Variants in WWOX observed in about 807,000 individuals in gnomAD.
WWOX encodes the protein WW domain containing oxidoreductase, also known as WW domain-containing oxidoreductase.
WWOX carries 69 observed loss-of-function variants against 46.2 expected under a neutral mutation model. The observed-to-expected ratio is 1.49, with a 90% CI of 1.23 to 1.82. The LOEUF (loss-of-function observed/expected upper bound fraction) is 1.82, where lower values mean the gene tolerates loss of function less well. Ranked by LOEUF, WWOX falls within the 40% of genes most tolerant of loss-of-function variation. The pLI, the probability that WWOX is intolerant of heterozygous loss-of-function variation, is 0.00. For synonymous variants in WWOX, 359 were observed against 202.6 expected (o/e 1.77, Z -6.56); for missense variants, 919 against 542.6 (o/e 1.69, Z -6.89).
At chr16:79,002,632 C>G (rs1260108208) in intron 8 of WWOX, among the ~76,000 whole-genome samples, 1 of 152,184 alleles carries the variant, frequency 6.6e-6, no homozygotes, top group African/African-American at 2.4e-5. Flanking sequence ...GCATGAGGCC[C>G]TTTATTAAGT....
At chr16:78,599,470 G>A (rs1484339472) in intron 8 of WWOX, among the ~76,000 whole-genome samples, 1 of 152,212 alleles carries the variant, frequency 6.6e-6, no homozygotes, top group African/African-American at 2.4e-5. Flanking sequence ...CAATCAGGCA[G>A]CCCCTCTGAC....
At chr16:78,852,166 C>G (rs11640465) in intron 8 of WWOX, among the ~76,000 whole-genome samples, 35,933 of 152,062 alleles carry the variant, frequency 0.24, 4,793 homozygotes, top group South Asian at 0.36. Context: ...ATGGCACTGT[C>G]TAGAGAAAGG....
At chr16:78,460,826 T>G (rs1477767874) in intron 8 of WWOX, among the ~76,000 whole-genome samples, 1 of 152,156 alleles carries the variant, frequency 6.6e-6, no homozygotes, top group African/African-American at 2.4e-5. Flanking sequence ...TTCAGTTGAG[T>G]TTTTAGTTTG....
At chr16:78,395,669 G>C (rs1214800718) in intron 6 of WWOX, among the ~76,000 whole-genome samples, 2 of 152,178 alleles carry the variant, frequency 1.3e-5, no homozygotes, top group Non-Finnish European at 1.5e-5. Context: ...CAAGAGCCAA[G>C]AGAAATTATT....
chr16:79,063,739 A>G (rs2048394476), intron 8 of WWOX, among the ~76,000 whole-genome samples: 1 of 152,254 alleles, frequency 6.6e-6, no homozygotes, highest in Admixed American at 6.5e-5. Context: ...GAACCAGAAG[A>G]AAACAGAATA....
intron 5 of WWOX, among the ~76,000 whole-genome samples, chr16:78,306,949 T>C (rs1006273571): frequency 3.3e-4 from 51 of 152,352 alleles, no homozygotes; most frequent in Non-Finnish European, 5.1e-4. Context: ...GTTTCCAGTA[T>C]TATCTGTTTC....
At chr16:78,440,906 C>T (rs2083430488) in intron 8 of WWOX, among the ~76,000 whole-genome samples, 2 of 152,140 alleles carry the variant, frequency 1.3e-5, no homozygotes, top group South Asian at 4.1e-4. Context: ...CAGGCATGAG[C>T]CACTGTGCCT....
chr16:78,736,016 C>T (rs1209561178), intron 8 of WWOX, among the ~76,000 whole-genome samples: 1 of 152,160 alleles, frequency 6.6e-6, no homozygotes, highest in East Asian at 1.9e-4. Context: ...TGTCTGAACC[C>T]TGTGTTTTGT....
At chr16:78,546,578 C>G (rs749180221) in intron 8 of WWOX, among the ~76,000 whole-genome samples, 1 of 152,194 alleles carries the variant, frequency 6.6e-6, no homozygotes, top group African/African-American at 2.4e-5. Flanking sequence ...ATTCTCAAAA[C>G]TTCTGGATAC....
Position 79,180,018 on chromosome 16 carries a change from A to G in WWOX, c.1057-31590A>G, listed in dbSNP as rs933601704. Among the ~76,000 whole-genome samples the G allele has an allele frequency of 5.1e-4, 77 of 152,194 alleles. 1 individual carries two copies. The highest frequency in any genetic ancestry group is 3.4e-3 in the Middle Eastern group (1 of 294). On this transcript the variant is annotated intron_variant, in intron 8 of 8. Coordinates refer to ENST00000566780, the MANE Select transcript of WWOX (RefSeq NM_016373.4). ...GGTTTTTTTTTTCCCCTTATCCCAT[A>G]GAAGATGGTTGTTGTCTTGAGGTTT...
At position 78,109,559 on chromosome 16, in the gene WWOX, C is replaced by G. The variant is rs570727745; in HGVS notation, c.173-219C>G. 4.3e-4 allele frequency among the ~76,000 whole-genome samples: 65 copies of G among 152,238 alleles called. No individual in the cohort carries two copies. The South Asian group carries it at 0.013, about 31-fold the overall frequency. ...AGCGATCAGGAATAAAATAGGTTTT[C>G]TTCAAAACAAGAGGCAAAAATGTGG... On this transcript the variant is annotated intron_variant, in intron 2 of 8. Transcript: ENST00000566780.
chr16:78,434,294 C>G (rs78723052), intron 8 of WWOX, among the ~76,000 whole-genome samples: 2 of 152,062 alleles, frequency 1.3e-5, no homozygotes, highest in African/African-American at 4.8e-5. Context: ...GGATTGATCT[C>G]TAGGAAGTAA....
chr16:78,472,734 G>A (rs759734983), intron 8 of WWOX, among the ~76,000 whole-genome samples: 1 of 149,808 alleles, frequency 6.7e-6, no homozygotes, highest in Non-Finnish European at 1.5e-5. Context: ...GCTTGAACCC[G>A]GGAAGTGGAG....
chr16:79,025,720 T>G, intron 8 of WWOX, among the ~76,000 whole-genome samples: 1 of 152,178 alleles, frequency 6.6e-6, no homozygotes, highest in East Asian at 1.9e-4. Context: ...TACCCTTTAA[T>G]GATTTTCTCC....
chr16:78,189,827 G>T (rs902265702), intron 5 of WWOX, among the ~76,000 whole-genome samples: 2 of 152,012 alleles, frequency 1.3e-5, no homozygotes, highest in African/African-American at 2.4e-5. Flanking sequence ...GCTAATTTTT[G>T]TATGTTTAGT....
At chr16:78,323,983 T>C (rs1307550250) in intron 5 of WWOX, among the ~76,000 whole-genome samples, 1 of 152,146 alleles carries the variant, frequency 6.6e-6, no homozygotes, top group Non-Finnish European at 1.5e-5. Flanking sequence ...TTTGGATGCA[T>C]TTTCCTCCTC....
intron 5 of WWOX, among the ~76,000 whole-genome samples, chr16:78,256,823 T>C (rs188543541): frequency 6.4e-4 from 98 of 152,238 alleles, no homozygotes; most frequent in Non-Finnish European, 1.1e-3. Context: ...TCATCTGTGA[T>C]TGCATACCTG....
At chr16:78,721,437 A>C (rs1202718091) in intron 8 of WWOX, among the ~76,000 whole-genome samples, 1 of 152,304 alleles carries the variant, frequency 6.6e-6, no homozygotes, top group East Asian at 1.9e-4. Context: ...GCTGGAGAGT[A>C]TTCAGCTGTC....
At chr16:79,131,673 A>G (rs1236363902) in intron 8 of WWOX, among the ~76,000 whole-genome samples, 1 of 152,114 alleles carries the variant, frequency 6.6e-6, no homozygotes, top group African/African-American at 2.4e-5. Flanking sequence ...TCAGTGAATT[A>G]ACACAGGGTG....
Sources: allele counts gnomAD v4.1 joint callset (sites outside exome capture counted in the v4.1 genomes callset), GRCh38; gene constraint gnomAD v4.1.1; transcripts MANE v1.5; gene names NCBI Gene and HGNC (gene_info 2026-07-23, HGNC 2026-07-21).